Variants in DIAPH2 observed in about 807,000 individuals in gnomAD.
DIAPH2 encodes the protein protein diaphanous homolog 2.
Under a neutral mutation model 92.7 loss-of-function variants are expected in DIAPH2, and 35 were observed. The ratio of observed to expected loss-of-function variants is 0.38; its 90% CI spans 0.29 to 0.50. DIAPH2 has a LOEUF of 0.50. Ranked by LOEUF, DIAPH2 falls within the 20% of genes least tolerant of loss-of-function variation. The probability of loss-of-function intolerance (pLI) is 0.94; values close to 1 mark genes in which losing one functional copy is unlikely to be tolerated. For synonymous variants in DIAPH2, 301 were observed against 280.4 expected (o/e 1.07, Z -0.73); for missense variants, 701 against 819.5 (o/e 0.86, Z 1.77).
chrX:97,336,246 T>TTC (rs1163606424), intron 23 of DIAPH2, among the ~76,000 whole-genome samples: 6 of 98,387 alleles, frequency 6.1e-5, no homozygotes, highest in African/African-American at 2.3e-4. Flanking sequence ...TTCTTTTCTT[T>TTC]TTTTTTTTTT....
intron 22 of DIAPH2, among the ~76,000 whole-genome samples, chrX:97,188,164 G>T (rs1258220184): frequency 1.8e-5 from 2 of 112,080 alleles, no homozygotes; most frequent in African/African-American, 3.2e-5. Flanking sequence ...AAAAGAACTT[G>T]CCAAGAAAGA....
chrX:96,715,446 C>T (rs1323191175), intron 1 of DIAPH2, among the ~76,000 whole-genome samples: 1 of 111,467 alleles, frequency 9.0e-6, no homozygotes, highest in Admixed American at 9.5e-5. Context: ...AATATGCAAG[C>T]TATTAATGGA....
intron 17 of DIAPH2, among the ~76,000 whole-genome samples, chrX:97,048,026 A>G (rs1438858204): frequency 9.0e-6 from 1 of 111,051 alleles, no homozygotes; most frequent in African/African-American, 3.3e-5. Context: ...ACAGCATAAT[A>G]TAGTACACTG....
At chrX:96,832,960 G>A (rs1304542815) in intron 4 of DIAPH2, among the ~76,000 whole-genome samples, 1 of 111,639 alleles carries the variant, frequency 9.0e-6, no homozygotes, top group Non-Finnish European at 1.9e-5. Context: ...AAGAAGTATT[G>A]ATTTTAGATA....
intron 21 of DIAPH2, among the ~76,000 whole-genome samples, chrX:97,140,163 T>G (rs187262710): frequency 8.9e-6 from 1 of 111,883 alleles, no homozygotes; most frequent in East Asian, 2.8e-4. Context: ...TTTTAGGATT[T>G]AGGTAGTTAG....
chrX:97,437,286 T>G lies in DIAPH2; in HGVS notation c.3241+7541T>G, dbSNP rs778575202. On this transcript the variant is annotated intron_variant, in intron 26 of 26. Transcript: ENST00000324765. ...ACCACACTAAGCCCCATTTAGTCTATAATACATTCATTATATTGTAATATA... is the reference window on the plus strand; with the variant it reads ...ACCACACTAAGCCCCATTTAGTCTAGAATACATTCATTATATTGTAATATA... 5.3e-5 allele frequency among the ~76,000 whole-genome samples: 6 copies of G among 112,177 alleles called. No homozygotes were observed. In the South Asian group the frequency reaches 2.2e-3, roughly 42 times the overall value.
In DIAPH2 at chrX:96,700,973, C is replaced by T. The variant is rs544885537; in HGVS notation, c.132+15783C>T. Among the ~76,000 whole-genome samples, 11 of 112,164 alleles carry T rather than the reference C, an allele frequency of 9.8e-5. No individual in the cohort carries two copies. In the South Asian group the frequency reaches 4.1e-3, roughly 42 times the overall value. Reference sequence around the variant, plus strand: ...CTTCTTCCTTTTTTAATTTGCTCCCCTTTTAAAAGTTGAAGCCGTTAGGTG... The same window carrying T: ...CTTCTTCCTTTTTTAATTTGCTCCCTTTTTAAAAGTTGAAGCCGTTAGGTG... On this transcript the variant is annotated intron_variant, in intron 1 of 26. Coordinates refer to ENST00000324765, the MANE Select transcript of DIAPH2 (RefSeq NM_006729.5).
intron 24 of DIAPH2, among the ~76,000 whole-genome samples, chrX:97,379,543 A>T (rs1426354490): frequency 8.9e-6 from 1 of 112,412 alleles, no homozygotes; most frequent in Non-Finnish European, 1.9e-5. Flanking sequence ...AAGCTCAAAG[A>T]GATGAACTAA....
intron 4 of DIAPH2, among the ~76,000 whole-genome samples, chrX:96,800,399 G>A (rs2064573699): frequency 1.8e-5 from 2 of 111,729 alleles, no homozygotes; most frequent in African/African-American, 6.5e-5. Context: ...TGTTGTCTCT[G>A]TAGATGGTTA....
chrX:97,280,863 TC>T (rs2068491098), intron 23 of DIAPH2, among the ~76,000 whole-genome samples: 1 of 111,346 alleles, frequency 9.0e-6, no homozygotes, highest in African/African-American at 3.3e-5. Context: ...TTTCCCCGGG[TC>T]CCTGAGGTAG....
intron 17 of DIAPH2, among the ~76,000 whole-genome samples, chrX:96,997,889 G>T (rs754417492): frequency 8.9e-6 from 1 of 112,142 alleles, no homozygotes; most frequent in East Asian, 2.8e-4. Flanking sequence ...TATTTGAAAA[G>T]ATATTTCAGT....
At chrX:96,957,019 T>C (rs980044306) in intron 15 of DIAPH2, among the ~76,000 whole-genome samples, 1 of 112,750 alleles carries the variant, frequency 8.9e-6, no homozygotes, top group African/African-American at 3.2e-5. Flanking sequence ...GTAACTTTTT[T>C]TTTATTTTAT....
At chrX:96,806,230 A>G (rs1466025262) in intron 4 of DIAPH2, among the ~76,000 whole-genome samples, 2 of 112,002 alleles carry the variant, frequency 1.8e-5, no homozygotes, top group Non-Finnish European at 3.8e-5. Context: ...CTGTTTTGGG[A>G]ATTTTCCTTT....
chrX:97,576,733 T>G (rs2071401703), intron 26 of DIAPH2, among the ~76,000 whole-genome samples: 1 of 111,318 alleles, frequency 9.0e-6, no homozygotes, highest in Admixed American at 9.5e-5. Context: ...GTATAAAATT[T>G]TTATACTTAT....
intron 26 of DIAPH2, among the ~76,000 whole-genome samples, chrX:97,559,217 C>T (rs1489127727): frequency 8.9e-6 from 1 of 111,931 alleles, no homozygotes; most frequent in African/African-American, 3.2e-5. Context: ...CCGGGTCGGG[C>T]ATGGTAGCTC....
At chrX:97,175,453 T>G (rs1161151973) in intron 22 of DIAPH2, among the ~76,000 whole-genome samples, 4 of 112,149 alleles carry the variant, frequency 3.6e-5, no homozygotes, top group African/African-American at 6.5e-5. Context: ...GAACCCTGGT[T>G]TTAAGAAATT....
intron 4 of DIAPH2, among the ~76,000 whole-genome samples, chrX:96,827,275 C>T (rs1189301540): frequency 8.9e-6 from 1 of 111,937 alleles, no homozygotes; most frequent in Admixed American, 9.5e-5. Flanking sequence ...CTATCTAACA[C>T]TTTGAAATGA....
chrX:97,233,299 A>G (rs902726396), intron 22 of DIAPH2, among the ~76,000 whole-genome samples: 7 of 112,776 alleles, frequency 6.2e-5, no homozygotes, highest in Non-Finnish European at 1.3e-4. Context: ...AAGAACACAC[A>G]TGAGACTTCA....
At chrX:96,788,543 A>C (rs1010898612) in intron 4 of DIAPH2, among the ~76,000 whole-genome samples, 1 of 111,814 alleles carries the variant, frequency 8.9e-6, no homozygotes, top group African/African-American at 3.2e-5. Flanking sequence ...TGTTTTGAGG[A>C]AAATTAACAC....
Sources: gnomAD v4.1 joint callset for allele counts (sites outside exome capture counted in the v4.1 genomes callset) on GRCh38, gnomAD v4.1.1 for gene constraint, MANE v1.5 for transcripts, NCBI Gene and HGNC (gene_info 2026-07-23, HGNC 2026-07-21) for gene names.